Variants in ARID5B observed in about 807,000 individuals in gnomAD.
ARID5B encodes the protein AT-rich interaction domain 5B.
In ARID5B, 13 loss-of-function variants were observed where a neutral mutation model predicts 97.2. The ratio of observed to expected loss-of-function variants is 0.13; its 90% CI spans 0.09 to 0.21. ARID5B has a LOEUF of 0.21. Among genes scored for constraint, ARID5B ranks in the 10% least tolerant of loss-of-function variants. The pLI is 1.00. For missense variants in ARID5B, 1,210 were observed against 1,465.3 expected, an observed-to-expected ratio of 0.83 and a Z score of 2.84; for synonymous variants, 556 against 570.3, an observed-to-expected ratio of 0.97 and a Z score of 0.36.
intron 3 of ARID5B, among the ~76,000 whole-genome samples, chr10:61,975,691 T>C (rs1815890513): frequency 6.6e-6 from 1 of 152,240 alleles, no homozygotes; most frequent in Admixed American, 6.5e-5. Context: ...ATCATTATTA[T>C]TAGAACTATT....
At chr10:62,040,361 A>G (rs1290997304) in intron 4 of ARID5B, among the ~76,000 whole-genome samples, 8 of 151,842 alleles carry the variant, frequency 5.3e-5, no homozygotes, top group Non-Finnish European at 1.2e-4. Flanking sequence ...ATATGTGTGT[A>G]ATGTGTATAT....
chr10:61,953,722 C>T (rs1305747083), intron 3 of ARID5B, among the ~76,000 whole-genome samples: 1 of 152,114 alleles, frequency 6.6e-6, no homozygotes, highest in East Asian at 1.9e-4. Context: ...TATAAATCAG[C>T]GTTAACAATA....
chr10:62,019,147 G>A (rs1034706223), intron 4 of ARID5B, among the ~76,000 whole-genome samples: 2 of 152,166 alleles, frequency 1.3e-5, no homozygotes, highest in African/African-American at 4.8e-5. Flanking sequence ...CAGCTAGGGT[G>A]AGTGCCAACA....
At chr10:61,922,205 G>A (rs1161110829) in intron 2 of ARID5B, among the ~76,000 whole-genome samples, 1 of 152,186 alleles carries the variant, frequency 6.6e-6, no homozygotes, top group Admixed American at 6.5e-5. Flanking sequence ...GGAGAGTTTT[G>A]CTGGAAAGGG....
intron 4 of ARID5B, among the ~76,000 whole-genome samples, chr10:62,030,939 G>A (rs1264411154): frequency 6.6e-6 from 1 of 152,182 alleles, no homozygotes; most frequent in Non-Finnish European, 1.5e-5. Flanking sequence ...GCATCTTTAA[G>A]AGTAAAGAGG....
intron 7 of ARID5B, among the ~76,000 whole-genome samples, chr10:62,068,522 A>C (rs528524387): frequency 6.6e-6 from 1 of 151,772 alleles, no homozygotes; most frequent in South Asian, 2.1e-4. Flanking sequence ...TTGCAAGTTG[A>C]GGTTTTTTAA....
At chr10:61,984,330 C>A (rs1238947063) in intron 3 of ARID5B, among the ~76,000 whole-genome samples, 1 of 152,234 alleles carries the variant, frequency 6.6e-6, no homozygotes, top group Admixed American at 6.5e-5. Context: ...CTGAACACAG[C>A]ATTTGGCACT....
intron 4 of ARID5B, among the ~76,000 whole-genome samples, chr10:62,043,839 G>A (rs1839671607): frequency 1.3e-5 from 2 of 152,148 alleles, no homozygotes; most frequent in Non-Finnish European, 1.5e-5. Context: ...GGCATGTATT[G>A]GAATGGATTA....
chr10:62,059,314 TAAATG>T lies in ARID5B; in HGVS notation c.1101+24_1101+28del, dbSNP rs1336723947. ...TGAAACAGTAAGTGTTTAAGCAACT[TAAATG>T]AAATAATTTTGCAATCTAACTTTTC... On this transcript the variant is annotated intron_variant, in intron 7 of 9. Coordinates refer to ENST00000279873, the MANE Select transcript of ARID5B (RefSeq NM_032199.3). 6.2e-7 allele frequency: 1 copy of T among 1,606,208 alleles called. No homozygotes were observed. The highest frequency in any genetic ancestry group is 8.5e-7 in the Non-Finnish European group (1 of 1,174,742).
intron 4 of ARID5B, among the ~76,000 whole-genome samples, chr10:62,019,378 C>A (rs1176391804): frequency 6.6e-6 from 1 of 152,186 alleles, no homozygotes; most frequent in East Asian, 1.9e-4. Flanking sequence ...TATGAAATAA[C>A]CTTTCACAAC....
At chr10:62,021,029 AATATATATATATAT>A (rs10528323) in intron 4 of ARID5B, among the ~76,000 whole-genome samples, 115 of 106,832 alleles carry the variant, frequency 1.1e-3, no homozygotes, top group Middle Eastern at 4.5e-3. Context: ...TTGTCACATG[AATATATATATATAT>A]ATATATATAT....
At chr10:61,903,295 A>C (rs936427808) in intron 2 of ARID5B, among the ~76,000 whole-genome samples, 5 of 151,546 alleles carry the variant, frequency 3.3e-5, no homozygotes, top group African/African-American at 1.2e-4. Context: ...CCTCCCCGGC[A>C]CGTTTCTGGG....
Position 62,091,496 on chromosome 10 carries a change from T to C in ARID5B, c.2033T>C (p.Leu678Pro), listed in dbSNP as rs1418166275. The C allele has an allele frequency of 6.2e-7, 1 of 1,613,362 alleles. No homozygotes were observed. The highest frequency in any genetic ancestry group is 8.5e-7 in the Non-Finnish European group (1 of 1,179,802). Residue 678 changes from leucine to proline, a missense_variant, in exon 10 of 10, where the codon CTC becomes CCC. Leu to Pro is a moderately conservative substitution (Grantham distance 98, BLOSUM62 -3). Coordinates refer to ENST00000279873, the MANE Select transcript of ARID5B (RefSeq NM_032199.3). ...CATGGACTTAATTACACGCCCCTGC[T>C]CTACTCTAGGGGCAACCCAGGCATC... ...ENHGLNYTPLLYSRGNPGIMS... is the reference protein window; with the variant it reads ...ENHGLNYTPLPYSRGNPGIMS...
Position 62,095,380 on chromosome 10 carries a change from AAGG to A in ARID5B, c.*2354_*2356del, listed in dbSNP as rs1405318242. 8.6e-6 allele frequency: 2 copies of A among 231,958 alleles called. No individual in the cohort carries two copies. The highest frequency in any genetic ancestry group is 6.0e-5 in the Admixed American group (1 of 16,746). The allele number at this position is 231,958 out of a possible 1,614,324, so 14.4% of individuals were successfully genotyped here. ...CTATGAGTTCGTGTCTCAAAAAAAA[AAGG>A]AGGGGGGGCATCTGTCCCCGGTGGA... On this transcript the variant is annotated 3_prime_UTR_variant, in exon 10 of 10. Transcript: ENST00000279873.
At chr10:62,011,735 C>A (rs1006905181) in intron 4 of ARID5B, among the ~76,000 whole-genome samples, 1 of 152,198 alleles carries the variant, frequency 6.6e-6, no homozygotes, top group African/African-American at 2.4e-5. Flanking sequence ...GTGTCCTTGA[C>A]CCCACCAGGA....
At chr10:62,007,900 T>G (rs1320486802) in intron 4 of ARID5B, among the ~76,000 whole-genome samples, 1 of 152,078 alleles carries the variant, frequency 6.6e-6, no homozygotes, top group African/African-American at 2.4e-5. Context: ...CCCAGGGAAG[T>G]CTTCTCTGAC....
chr10:61,990,392 G>A (rs1838907637), intron 3 of ARID5B, among the ~76,000 whole-genome samples: 1 of 152,188 alleles, frequency 6.6e-6, no homozygotes, highest in South Asian at 2.1e-4. Context: ...AAAAAGGCCT[G>A]CCAGGCAGTG....
At chr10:61,969,152 T>C (rs1333877569) in intron 3 of ARID5B, among the ~76,000 whole-genome samples, 1 of 152,138 alleles carries the variant, frequency 6.6e-6, no homozygotes, top group Admixed American at 6.6e-5. Context: ...TGCTCTGCAA[T>C]ACCCTCCCCC....
At chr10:62,030,045 G>T (rs879492994) in intron 4 of ARID5B, among the ~76,000 whole-genome samples, 2 of 152,124 alleles carry the variant, frequency 1.3e-5, no homozygotes, top group South Asian at 2.1e-4. Flanking sequence ...AATAATTGAC[G>T]AGCCACAAGC....
Sources: allele counts gnomAD v4.1 joint callset (sites outside exome capture counted in the v4.1 genomes callset), GRCh38; gene constraint gnomAD v4.1.1; transcripts MANE v1.5; gene names NCBI Gene and HGNC (gene_info 2026-07-23, HGNC 2026-07-21).